MYO9A: variants seen among roughly 807,000 people sequenced by gnomAD.
The protein encoded by MYO9A is myosin IXA.
In MYO9A, 103 loss-of-function variants were observed where a neutral mutation model predicts 293.3. That is an observed-to-expected ratio of 0.35 (90% CI 0.30 to 0.41). The LOEUF is 0.41. Ranked by LOEUF, MYO9A falls within the 10% of genes least tolerant of loss-of-function variation. The probability of loss-of-function intolerance (pLI) is 1.00; values close to 1 mark genes in which losing one functional copy is unlikely to be tolerated. For synonymous variants in MYO9A, 1,001 were observed against 1,035.7 expected (o/e 0.97, Z 0.64); for missense variants, 2,685 against 3,033.0 (o/e 0.89, Z 2.69).
intron 1 of MYO9A, among the ~76,000 whole-genome samples, chr15:72,051,165 AG>A (rs1291407449): frequency 1.3e-5 from 2 of 152,162 alleles, no homozygotes; most frequent in Non-Finnish European, 2.9e-5. Flanking sequence ...TCTGGACTCA[AG>A]TGATCCTCCT....
intron 11 of MYO9A, among the ~76,000 whole-genome samples, chr15:71,979,073 T>G (rs1393871702): frequency 1.3e-5 from 2 of 152,170 alleles, no homozygotes; most frequent in African/African-American, 4.8e-5. Flanking sequence ...TTACAGTACT[T>G]GCAGCACAAG....
In MYO9A at chr15:71,880,324, A is replaced by G; in HGVS notation, c.5622+11T>C. ...GCTGCTCCAGGGCCTGACGTGGCAAATAAAGTGTACCTTTTTCAGAAGAAA... is the reference window on the plus strand; with the variant it reads ...GCTGCTCCAGGGCCTGACGTGGCAAGTAAAGTGTACCTTTTTCAGAAGAAA... On this transcript the variant is annotated intron_variant, in intron 29 of 41. Coordinates refer to ENST00000356056, the MANE Select transcript of MYO9A (RefSeq NM_006901.4). The G allele has an allele frequency of 6.2e-7, 1 of 1,613,394 alleles. No individual in the cohort carries two copies. The highest frequency in any genetic ancestry group is 2.2e-5 in the East Asian group (1 of 44,862).
chr15:71,978,625 A>G (rs1331391096), intron 11 of MYO9A, among the ~76,000 whole-genome samples: 1 of 152,142 alleles, frequency 6.6e-6, no homozygotes, highest in East Asian at 1.9e-4. Flanking sequence ...TATCTCCCAC[A>G]TGACTTTAAG....
intron 31 of MYO9A, among the ~76,000 whole-genome samples, chr15:71,876,198 T>A (rs1284649172): frequency 6.7e-6 from 1 of 149,002 alleles, no homozygotes; most frequent in East Asian, 2.0e-4. Flanking sequence ...CAGGTTGGAG[T>A]GCAATTGGTG....
intron 9 of MYO9A, among the ~76,000 whole-genome samples, chr15:71,997,504 G>A (rs891965640): frequency 7.9e-5 from 12 of 152,080 alleles, no homozygotes; most frequent in Non-Finnish European, 1.5e-4. Context: ...GGAGGCTGAA[G>A]CAGGAGAATC....
intron 41 of MYO9A, 71 bp downstream of exon 41, chr15:71,827,813 C>A: frequency 6.7e-7 from 1 of 1,485,230 alleles, no homozygotes. Context: ...AAGACTTTGT[C>A]TTAGTTTTGG....
intron 18 of MYO9A, among the ~76,000 whole-genome samples, chr15:71,923,144 T>C (rs2058200359): frequency 6.6e-6 from 1 of 152,198 alleles, no homozygotes; most frequent in Non-Finnish European, 1.5e-5. Context: ...AACTGTATAA[T>C]TTTTTCCCTT....
intron 1 of MYO9A, among the ~76,000 whole-genome samples, chr15:72,065,833 T>C (rs35259670): frequency 0.014 from 2,067 of 152,264 alleles, 22 homozygotes; most frequent in East Asian, 0.025. Flanking sequence ...CCAATATGGA[T>C]ATAAAAAATA....
intron 1 of MYO9A, among the ~76,000 whole-genome samples, chr15:72,075,974 A>G (rs1469904811): frequency 6.6e-6 from 1 of 152,128 alleles, no homozygotes; most frequent in Non-Finnish European, 1.5e-5. Context: ...AGCAATAAAA[A>G]GAACTGAAGG....
In MYO9A at chr15:71,904,049, A is replaced by G; in HGVS notation, c.2767-10T>C. The G allele has an allele frequency of 6.2e-7, 1 of 1,604,690 alleles. No individual in the cohort carries two copies. Among genetic ancestry groups the G allele is most frequent in the Non-Finnish European group, 8.5e-7 (1 of 1,172,814 alleles). On this transcript the variant is annotated splice_polypyrimidine_tract_variant and intron_variant, in intron 20 of 41. Transcript: ENST00000356056. ...TGAACCTTAAGGGCAGCTAAAGCAA[A>G]TGGAAAAAAGATTAACCCAGAACAG... is the stretch of plus-strand genomic sequence containing the variant.
chr15:71,834,273 T>C (rs1390817304), intron 39 of MYO9A, among the ~76,000 whole-genome samples: 4 of 151,960 alleles, frequency 2.6e-5, no homozygotes, highest in Admixed American at 6.6e-5. Flanking sequence ...ATACCATCAA[T>C]GAAGAAATTA....
intron 19 of MYO9A, among the ~76,000 whole-genome samples, chr15:71,905,385 A>G (rs1484486388): frequency 6.6e-6 from 1 of 152,196 alleles, no homozygotes; most frequent in Non-Finnish European, 1.5e-5. Flanking sequence ...GCTTTACTTT[A>G]AATGTCTACA....
chr15:72,049,766 T>C (rs2149755025), intron 1 of MYO9A, among the ~76,000 whole-genome samples: 1 of 152,356 alleles, frequency 6.6e-6, no homozygotes. Context: ...AATCATCTAA[T>C]ACCTGATGAT....
chr15:71,963,870 A>G (rs2075806605), intron 13 of MYO9A, among the ~76,000 whole-genome samples: 1 of 152,238 alleles, frequency 6.6e-6, no homozygotes, highest in Non-Finnish European at 1.5e-5. Flanking sequence ...GACCAGTAGT[A>G]CATTTAAATG....
At chr15:71,960,261 G>A (rs2059295397) in intron 13 of MYO9A, 165 bp from the exon 14 acceptor site, 1 of 617,398 alleles carries the variant, frequency 1.6e-6, no homozygotes, top group East Asian at 2.7e-5. Context: ...GGGTCATGGA[G>A]GCAGATCCCT....
At chr15:72,058,721 T>C (rs763827834) in intron 1 of MYO9A, among the ~76,000 whole-genome samples, 5 of 152,194 alleles carry the variant, frequency 3.3e-5, no homozygotes, top group Non-Finnish European at 5.9e-5. Context: ...GGTAAGAAAG[T>C]TGCTGTGGTT....
chr15:72,068,725 C>T (rs2079093268), intron 1 of MYO9A, among the ~76,000 whole-genome samples: 1 of 152,114 alleles, frequency 6.6e-6, no homozygotes, highest in Middle Eastern at 3.2e-3. Context: ...GATCCTCCCA[C>T]CTTGGCCCCA....
chr15:71,945,544 C>A (rs2058891821), intron 15 of MYO9A, among the ~76,000 whole-genome samples: 1 of 152,038 alleles, frequency 6.6e-6, no homozygotes, highest in Admixed American at 6.6e-5. Context: ...ATTTGTAAAT[C>A]ATTTTCTTAG....
At chr15:71,938,816 T>C (rs1461939274) in intron 16 of MYO9A, 36 bp downstream of exon 16, 5 of 1,512,104 alleles carry the variant, frequency 3.3e-6, no homozygotes, top group African/African-American at 1.4e-5. Flanking sequence ...TTATTTCTTC[T>C]ATACGTCCTT....
Sources: allele counts gnomAD v4.1 joint callset (sites outside exome capture counted in the v4.1 genomes callset), GRCh38; gene constraint gnomAD v4.1.1; transcripts MANE v1.5; gene names NCBI Gene and HGNC (gene_info 2026-07-23, HGNC 2026-07-21).